The following FCRL6 variants were observed in gnomAD, a reference collection of about 807,000 sequenced individuals.
FCRL6 encodes the protein Fc receptor like 6.
FCRL6 carries 50 observed loss-of-function variants against 49.1 expected under a neutral mutation model. The observed-to-expected ratio is 1.02, with a 90% CI of 0.81 to 1.29. FCRL6 has a LOEUF of 1.29. FCRL6 is among the 50% of genes most tolerant of loss of function. The probability of loss-of-function intolerance (pLI) is 0.00; values close to 1 mark genes in which losing one functional copy is unlikely to be tolerated. For synonymous variants in FCRL6, 213 were observed against 199.6 expected (o/e 1.07, Z -0.57); for missense variants, 571 against 518.5 (o/e 1.10, Z -0.98).
chr1:159,802,358 C>T (rs1662385499), upstream of FCRL6: 3 of 1,599,600 alleles, frequency 1.9e-6, no homozygotes, highest in African/African-American at 1.3e-5. Flanking sequence ...GGCCTGGTTG[C>T]TCTCTGCCGG....
intron 1 of FCRL6, among the ~76,000 whole-genome samples, chr1:159,804,318 TC>T (rs1444575866): frequency 6.6e-6 from 1 of 152,118 alleles, no homozygotes; most frequent in Admixed American, 6.5e-5. Flanking sequence ...AGAATAAGTC[TC>T]CCCCTTCTTT....
rs750496573 is a variant in FCRL6, at chr1:159,802,438, C to T, written c.14C>T (p.Thr5Met). ...AGAACAGGCCCCATGCTGCTCTGGA[C>T]GGCTGTGCTGCTCTTTGGTAAGTCA... MLLWTAVLLFVPCVG... is the reference protein window; with the variant it reads MLLWMAVLLFVPCVG... Residue 5 changes from threonine to methionine, a missense_variant, in exon 1 of 10, where the codon ACG becomes ATG. By Grantham distance (81) the Thr-to-Met change is moderately conservative. Coordinates refer to ENST00000368106, the MANE Select transcript of FCRL6 (RefSeq NM_001004310.3). 1.7e-5 allele frequency: 28 copies of T among 1,613,714 alleles called. No homozygotes were observed. The highest frequency in any genetic ancestry group is 2.7e-5 in the African/African-American group (2 of 74,900).
intron 1 of FCRL6, among the ~76,000 whole-genome samples, chr1:159,806,344 G>A (rs561866465): frequency 8.5e-5 from 13 of 152,050 alleles, no homozygotes; most frequent in Admixed American, 3.3e-4. Context: ...TCAAGTGGCC[G>A]GGTGGTTGGG....
chr1:159,806,507 G>A (rs1175483768), intron 1 of FCRL6, 89 bp from the exon 2 acceptor site: 4 of 1,174,526 alleles, frequency 3.4e-6, no homozygotes, highest in African/African-American at 3.0e-5. Flanking sequence ...TTGAATGGGT[G>A]TAAGTCCCCA....
chr1:159,815,308 A>C (rs1049947315), intron 8 of FCRL6, 120 bp from the exon 9 acceptor site: 27 of 1,018,374 alleles, frequency 2.7e-5, no homozygotes, highest in Non-Finnish European at 3.3e-5. Context: ...AGTGAAAGGA[A>C]TCTCCCCTGG....
Position 159,809,055 on chromosome 1 carries a change from C to G in FCRL6, c.414C>G (p.Pro138=), listed in dbSNP as rs764227693. The change falls in exon 4 of 10, where the codon CCC becomes CCG. Residue 138 remains proline (P), a synonymous_variant. Coordinates refer to ENST00000368106, the MANE Select transcript of FCRL6 (RefSeq NM_001004310.3). ...VTLRCQTKLH[P]LRSALRLLFS... is the part of the protein sequence containing the mutation. ...TGAGATGTCAGACAAAGCTGCACCC[C>G]CTGAGGTCAGCCTTGAGGCTCCTTT... 8.1e-6 allele frequency: 13 copies of G among 1,614,074 alleles called. No individual in the cohort carries two copies. The South Asian group carries it at 1.3e-4, about 16-fold the overall frequency.
At chr1:159,808,483 C>A (rs1263179077) in intron 3 of FCRL6, 39 bp downstream of exon 3, 1 of 1,612,584 alleles carries the variant, frequency 6.2e-7, no homozygotes, top group Non-Finnish European at 8.5e-7. Context: ...GCAGGAGGTG[C>A]TGCTCAAGGG....
In FCRL6 at chr1:159,809,005, C is replaced by T; in HGVS notation, c.364C>T (p.Pro122Ser). The T allele has an allele frequency of 6.2e-7, 1 of 1,613,640 alleles. No individual in the cohort carries two copies. Among genetic ancestry groups the T allele is most frequent in the Non-Finnish European group, 8.5e-7 (1 of 1,179,766 alleles). ...PVLSAIPSPE[P>S]REGSLVTLRC... ...GCTGAGTGCCATCCCCTCTCCTGAG[C>T]CCCGAGAGGGTAGCCTGGTGACCCT... is the stretch of plus-strand genomic sequence containing the variant. The change falls in exon 4 of 10, where the codon CCC becomes TCC. Residue 122 changes from proline (P) to serine (S), a missense_variant. Coordinates refer to ENST00000368106, the MANE Select transcript of FCRL6 (RefSeq NM_001004310.3).
chr1:159,811,591 T>A (rs13375409), intron 6 of FCRL6, among the ~76,000 whole-genome samples: 93 of 152,186 alleles, frequency 6.1e-4, no homozygotes, highest in African/African-American at 2.1e-3. Context: ...CCTCACCAGG[T>A]GCCTAGTTAA....
At chr1:159,805,398 A>G (rs548402360) in intron 1 of FCRL6, among the ~76,000 whole-genome samples, 15 of 152,182 alleles carry the variant, frequency 9.9e-5, no homozygotes, top group Non-Finnish European at 1.3e-4. Context: ...TACCTAGGAC[A>G]TGCCAGCAAT....
rs1405823340 is a variant in FCRL6, at chr1:159,809,479, T to C, written c.682T>C (p.Cys228Arg). The C allele has an allele frequency of 1.9e-6, 3 of 1,614,130 alleles. No individual in the cohort carries two copies. The highest frequency in any genetic ancestry group is 1.7e-6 in the Non-Finnish European group (2 of 1,180,000). Residue 228 changes from cysteine to arginine, a missense_variant, in exon 5 of 10, where the codon TGT becomes CGT. Coordinates refer to ENST00000368106, the MANE Select transcript of FCRL6 (RefSeq NM_001004310.3). ...PAVGDMVQLL[C>R]EAQRGSPPIL... is the part of the protein sequence containing the mutation. The stretch of plus-strand genomic sequence containing the variant: ...TGTGGGGGACATGGTGCAGCTCCTC[T>C]GTGAGGCACAGAGGGGCTCCCCTCC...
At chr1:159,807,566 A>C (rs896291710) in intron 2 of FCRL6, among the ~76,000 whole-genome samples, 9 of 152,220 alleles carry the variant, frequency 5.9e-5, no homozygotes, top group African/African-American at 2.2e-4. Context: ...GTGGAAGATG[A>C]AACGCCCTGC....
chr1:159,811,639 A>G (rs1356820704), intron 6 of FCRL6, among the ~76,000 whole-genome samples: 3 of 152,176 alleles, frequency 2.0e-5, no homozygotes, highest in African/African-American at 7.2e-5. Flanking sequence ...CCCCTTTTGA[A>G]TATGTAGTCT....
chr1:159,815,801 T>A lies in FCRL6; in HGVS notation c.*140T>A, dbSNP rs185344357. The A allele has an allele frequency of 3.0e-4, 316 of 1,044,620 alleles. 3 individuals carry two copies. The African/African-American group carries it at 4.8e-3, about 16-fold the overall frequency. 64.7% of individuals were successfully genotyped at this position (1,044,620 alleles called of 1,614,324 possible). A position where few individuals can be genotyped will look rare whatever the true frequency, so the allele number is the denominator to read the frequency against. On this transcript the variant is annotated 3_prime_UTR_variant, in exon 10 of 10. Transcript: ENST00000368106. ...AGAGCCCCCTGAGCCCTTGTCCTGG[T>A]CAGGAGCACCTGAACCCTGGGTTCT...
intron 6 of FCRL6, among the ~76,000 whole-genome samples, chr1:159,812,400 A>C (rs1663142314): frequency 6.6e-6 from 1 of 152,206 alleles, no homozygotes; most frequent in African/African-American, 2.4e-5. Flanking sequence ...TCATGTCCAA[A>C]GTCAATTTTT....
chr1:159,809,055 C>T lies in FCRL6; in HGVS notation c.414C>T (p.Pro138=), dbSNP rs764227693. The T allele has an allele frequency of 1.2e-5, 20 of 1,613,958 alleles. No homozygotes were observed. The highest frequency in any genetic ancestry group is 1.6e-5 in the Non-Finnish European group (19 of 1,179,988). ...TGAGATGTCAGACAAAGCTGCACCC[C>T]CTGAGGTCAGCCTTGAGGCTCCTTT... The part of the protein sequence containing the change: ...VTLRCQTKLH[P]LRSALRLLFS... The change falls in exon 4 of 10, where the codon CCC becomes CCT. Residue 138 remains proline (P), a synonymous_variant. Coordinates refer to ENST00000368106, the MANE Select transcript of FCRL6 (RefSeq NM_001004310.3).
chr1:159,804,172 C>A (rs1662522908), intron 1 of FCRL6, among the ~76,000 whole-genome samples: 1 of 152,230 alleles, frequency 6.6e-6, no homozygotes, highest in Non-Finnish European at 1.5e-5. Context: ...GCCCTCCCAG[C>A]AATGTGACTG....
chr1:159,801,765 G>T (rs909970735), upstream of FCRL6, among the ~76,000 whole-genome samples: 2 of 151,984 alleles, frequency 1.3e-5, no homozygotes, highest in African/African-American at 2.4e-5. Context: ...TTCTCTTAAT[G>T]GTGTCTTTTA....
At position 159,802,582 on chromosome 1, in the gene FCRL6, G is replaced by A. The variant is rs1435418494; in HGVS notation, c.31+127G>A. 12 of 817,876 alleles carry A rather than the reference G, an allele frequency of 1.5e-5. No individual in the cohort carries two copies. The Admixed American group carries it at 2.5e-4, about 17-fold the overall frequency. 50.7% of individuals were successfully genotyped at this position (817,876 alleles called of 1,614,324 possible). A position where few individuals can be genotyped will look rare whatever the true frequency, so the allele number is the denominator to read the frequency against. On this transcript the variant is annotated intron_variant, in intron 1 of 9. Coordinates refer to ENST00000368106, the MANE Select transcript of FCRL6 (RefSeq NM_001004310.3). ...TTTGTGGCTGGAGCTCAAGACAGGTGTGTGCACCTGGGCATGCTTGGGAGA... is the reference window on the plus strand; with the variant it reads ...TTTGTGGCTGGAGCTCAAGACAGGTATGTGCACCTGGGCATGCTTGGGAGA...
Sources: gnomAD v4.1 joint callset for allele counts (sites outside exome capture counted in the v4.1 genomes callset) on GRCh38, gnomAD v4.1.1 for gene constraint, MANE v1.5 for transcripts, NCBI Gene and HGNC (gene_info 2026-07-23, HGNC 2026-07-21) for gene names.